The following DOCK8 variants were observed in gnomAD, a reference collection of about 807,000 sequenced individuals.
DOCK8 encodes dedicator of cytokinesis 8.
A neutral mutation model predicts 245.6 loss-of-function variants in DOCK8; 141 were observed. The ratio of observed to expected loss-of-function variants is 0.57; its 90% confidence interval spans 0.50 to 0.66. The LOEUF (loss-of-function observed/expected upper bound fraction) is 0.66, where lower values mean the gene tolerates loss of function less well. Among genes scored for constraint, DOCK8 ranks in the 30% least tolerant of loss-of-function variants. The probability of loss-of-function intolerance (pLI) is 0.00; values close to 1 mark genes in which losing one functional copy is unlikely to be tolerated. For synonymous variants in DOCK8, 1,168 were observed against 970.2 expected (o/e 1.20, Z -3.79); for missense variants, 2,965 against 2,603.4 (o/e 1.14, Z -3.02).
At chr9:370,079 A>C (rs2053215901) in intron 15 of DOCK8, 151 bp from the exon 16 acceptor site, 7 of 704,912 alleles carry the variant, frequency 9.9e-6, no homozygotes, top group Non-Finnish European at 1.5e-5. Context: ...CTGAGATTAC[A>C]GGTGTGAGCC....
intron 33 of DOCK8, among the ~76,000 whole-genome samples, chr9:423,455 G>A (rs116188695): frequency 0.011 from 1,707 of 152,308 alleles, 40 homozygotes; most frequent in African/African-American, 0.039. Flanking sequence ...CCCCATGGGT[G>A]ATGAAGCACC....
At chr9:370,194 T>TA in intron 15 of DOCK8, 36 bp from the exon 16 acceptor site, 1 of 1,557,760 alleles carries the variant, frequency 6.4e-7, no homozygotes, top group Middle Eastern at 1.7e-4. Context: ...ACCCAAATGT[T>TA]ACTGATAATT....
At chr9:334,112 C>T (rs1283166622) in intron 10 of DOCK8, 113 bp from the exon 11 acceptor site, 6 of 1,170,726 alleles carry the variant, frequency 5.1e-6, no homozygotes, top group Non-Finnish European at 7.5e-6. Context: ...TATGTTTTTA[C>T]TCTTTTTAAT....
At chr9:423,485 C>T (rs138387062) in intron 33 of DOCK8, among the ~76,000 whole-genome samples, 1 of 152,198 alleles carries the variant, frequency 6.6e-6, no homozygotes, top group Admixed American at 6.5e-5. Context: ...GGGTATGGGG[C>T]AGACTTGATT....
chr9:215,031 T>TA lies in DOCK8; in HGVS notation c.53+4dup. The stretch of plus-strand genomic sequence containing the variant: ...CGCGTTCGCGCTCAAGATCAACAGG[T>TA]AAGACGCCCCCCGCGGCGCGCAGGT... On this transcript the variant is annotated splice_region_variant and intron_variant, in intron 1 of 47. Transcript: ENST00000432829. 8 of 1,580,892 alleles carry TA rather than the reference T, an allele frequency of 5.1e-6. No homozygotes were observed. Among genetic ancestry groups the TA allele is most frequent in the Non-Finnish European group, 6.8e-6 (8 of 1,170,806 alleles).
intron 20 of DOCK8, among the ~76,000 whole-genome samples, chr9:379,319 C>T (rs1445367032): frequency 1.3e-5 from 2 of 152,104 alleles, no homozygotes; most frequent in African/African-American, 4.8e-5. Flanking sequence ...TTGTGCAGCA[C>T]ATCTCAAATC....
chr9:418,028 C>T, intron 29 of DOCK8, 40 bp from the exon 30 acceptor site: 15 of 1,613,762 alleles, frequency 9.3e-6, no homozygotes, highest in Non-Finnish European at 1.3e-5. Flanking sequence ...GGGGAAATGT[C>T]ATGTTTGACT....
chr9:429,280 A>G (rs2056619382), intron 35 of DOCK8, among the ~76,000 whole-genome samples: 1 of 152,114 alleles, frequency 6.6e-6, no homozygotes, highest in South Asian at 2.1e-4. Flanking sequence ...TTTTCCCTTT[A>G]TTGAAGATCT....
intron 1 of DOCK8, among the ~76,000 whole-genome samples, chr9:259,565 C>G (rs1463384324): frequency 6.6e-6 from 1 of 152,132 alleles, no homozygotes; most frequent in African/African-American, 2.4e-5. Context: ...GATGATAAAC[C>G]TGGTTCATAG....
chr9:403,962 A>ATATATATATATGTG (rs1564021754), intron 26 of DOCK8, among the ~76,000 whole-genome samples: 9 of 66,168 alleles, frequency 1.4e-4, no homozygotes, highest in Admixed American at 3.1e-4. Flanking sequence ...ATATATATGT[A>ATATATATATATGTG]TATATATATA....
At chr9:385,273 C>T (rs890050924) in intron 22 of DOCK8, among the ~76,000 whole-genome samples, 1 of 152,158 alleles carries the variant, frequency 6.6e-6, no homozygotes, top group Non-Finnish European at 1.5e-5. Flanking sequence ...AAATCCGAGT[C>T]GTTCGTGTTT....
chr9:442,796 T>C (rs1260416642), intron 42 of DOCK8, among the ~76,000 whole-genome samples: 1 of 151,336 alleles, frequency 6.6e-6, no homozygotes, highest in Admixed American at 6.5e-5. Context: ...GATTCACTCC[T>C]TAGGCTTTCA....
At chr9:221,463 T>C (rs956635901) in intron 1 of DOCK8, among the ~76,000 whole-genome samples, 2 of 152,136 alleles carry the variant, frequency 1.3e-5, no homozygotes, top group African/African-American at 4.8e-5. Context: ...ATAATAACTA[T>C]TTACATAGCA....
intron 26 of DOCK8, among the ~76,000 whole-genome samples, chr9:399,919 T>C (rs1338904878): frequency 6.6e-6 from 1 of 151,420 alleles, no homozygotes; most frequent in Non-Finnish European, 1.5e-5. Context: ...CTGCTACTAC[T>C]ACCACCAGCC....
intron 46 of DOCK8, chr9:459,680 C>T (rs989942412): frequency 1.4e-4 from 22 of 152,256 alleles, no homozygotes; most frequent in African/African-American, 4.8e-4. Flanking sequence ...TGGAGTCTCT[C>T]AGTTGCACTG....
At chr9:398,975 C>G (rs184996228) in intron 25 of DOCK8, among the ~76,000 whole-genome samples, 171 bp from the exon 26 acceptor site, 2 of 152,268 alleles carry the variant, frequency 1.3e-5, no homozygotes, top group African/African-American at 2.4e-5. Flanking sequence ...TTGATTCAAC[C>G]TCACAGTCAT....
chr9:369,753 T>C (rs2053196129), intron 15 of DOCK8: 2 of 193,254 alleles, frequency 1.0e-5, no homozygotes, highest in East Asian at 2.7e-4. Flanking sequence ...ATTTCACCCT[T>C]CATAGCCAGT....
At chr9:268,760 GC>G (rs1232284793) in intron 1 of DOCK8, among the ~76,000 whole-genome samples, 1 of 152,164 alleles carries the variant, frequency 6.6e-6, no homozygotes, top group Non-Finnish European at 1.5e-5. Flanking sequence ...GGTTGTGTTG[GC>G]CCTCCATGGC....
In DOCK8 at chr9:403,860, C is replaced by CTCTCTGTCTCTCTG. The variant is rs796307530; in HGVS notation, c.3235-1053_3235-1052insGTCTCTCTGTCTCT. ...AGTTCAACAGAGCAAGACTCTGTATCTCTCTCTCTCTCTCTCTCTCTCTCT... is the reference window on the plus strand; with the variant it reads ...AGTTCAACAGAGCAAGACTCTGTATCTCTCTGTCTCTCTGTCTCTCTCTCTCTCTCTCTCTCTCT... On this transcript the variant is annotated intron_variant, in intron 26 of 47. Coordinates refer to ENST00000432829, the MANE Select transcript of DOCK8 (RefSeq NM_203447.4). Among the ~76,000 whole-genome samples, 60 of 61,302 alleles carry CTCTCTGTCTCTCTG rather than the reference C, an allele frequency of 9.8e-4. 1 individual carries two copies. Among genetic ancestry groups the CTCTCTGTCTCTCTG allele is most frequent in the Non-Finnish European group, 9.3e-4 (36 of 38,714 alleles). The allele number at this position is 61,302 out of a possible 152,430, so 40.2% of individuals were successfully genotyped here. A position where few individuals can be genotyped will look rare whatever the true frequency, so the allele number is the denominator to read the frequency against.
Sources: allele counts gnomAD v4.1 joint callset (sites outside exome capture counted in the v4.1 genomes callset), GRCh38; gene constraint gnomAD v4.1.1; transcripts MANE v1.5; gene names NCBI Gene and HGNC (gene_info 2026-07-23, HGNC 2026-07-21).